CSPG4: variants seen among roughly 807,000 people sequenced by gnomAD.
The protein encoded by CSPG4 is chondroitin sulfate proteoglycan 4.
CSPG4 carries 74 observed loss-of-function variants against 139.3 expected under a neutral mutation model. That is an observed-to-expected ratio of 0.53 (90% CI 0.44 to 0.64). CSPG4 has a LOEUF of 0.64. Ranked by LOEUF, CSPG4 falls within the 30% of genes least tolerant of loss-of-function variation. The pLI, the probability that CSPG4 is intolerant of heterozygous loss-of-function variation, is 0.00. For missense variants in CSPG4, 2,565 were observed against 3,148.3 expected (o/e 0.81, Z 4.43); for synonymous variants, 1,234 against 1,394.2 (o/e 0.89, Z 2.56).
chr15:75,698,711 C>T lies in CSPG4; in HGVS notation c.89-5478G>A, dbSNP rs1383503866. ...CATTGGTCTCCCTGGGCTCCTCAGG[C>T]AAGGGAGAAGCTGTCTGGTGTGCCT... is the stretch of plus-strand genomic sequence containing the variant. On this transcript the variant is annotated intron_variant, in intron 1 of 9. Coordinates refer to ENST00000308508, the MANE Select transcript of CSPG4 (RefSeq NM_001897.5). This position sits in a 1 kb window ranked among gnomAD's most constrained non-coding sequence, Gnocchi z 4.3. Among the ~76,000 whole-genome samples the T allele has an allele frequency of 4.6e-5, 7 of 152,062 alleles. No individual in the cohort carries two copies. Among genetic ancestry groups the T allele is most frequent in the Middle Eastern group, 3.2e-3 (1 of 316 alleles).
intron 5 of CSPG4, among the ~76,000 whole-genome samples, chr15:75,683,503 C>T (rs1418686909): frequency 6.6e-6 from 1 of 152,216 alleles, no homozygotes; most frequent in Admixed American, 6.5e-5. Flanking sequence ...ATGGGCCCTC[C>T]TTCCAGCTGA....
intron 1 of CSPG4, among the ~76,000 whole-genome samples, chr15:75,699,716 C>T (rs1218653646): frequency 1.9e-4 from 29 of 152,154 alleles, no homozygotes; most frequent in Admixed American, 1.3e-3. Context: ...AGGGCTGGGC[C>T]GGGGGAGGAG....
intron 8 of CSPG4, chr15:75,678,463 C>G: frequency 2.8e-6 from 1 of 361,268 alleles, no homozygotes; most frequent in Non-Finnish European, 5.5e-6. Flanking sequence ...AGCGATCCTC[C>G]CACCTCAGCT....
intron 1 of CSPG4, among the ~76,000 whole-genome samples, chr15:75,695,985 G>A (rs986221245): frequency 1.2e-4 from 19 of 152,168 alleles, no homozygotes; most frequent in African/African-American, 2.4e-4. Context: ...GCGGGGGGAT[G>A]GAGGAGGTTG....
intron 1 of CSPG4, among the ~76,000 whole-genome samples, chr15:75,704,444 G>A (rs1452496956): frequency 6.6e-6 from 1 of 152,212 alleles, no homozygotes; most frequent in Non-Finnish European, 1.5e-5. Flanking sequence ...CAGATGGGTG[G>A]CCAGAAGCAC....
intron 9 of CSPG4, 92 bp downstream of exon 9, chr15:75,677,611 C>G (rs1418250411): frequency 7.1e-7 from 1 of 1,417,448 alleles, no homozygotes; most frequent in East Asian, 2.4e-5. Context: ...GGGGCTGAGA[C>G]AGGAGCTGCT....
At chr15:75,695,506 C>T (rs1367932460) in intron 1 of CSPG4, among the ~76,000 whole-genome samples, 5 of 152,152 alleles carry the variant, frequency 3.3e-5, no homozygotes, top group Non-Finnish European at 5.9e-5. Context: ...CCAGGCAGCC[C>T]CCCACCCCAA....
rs777538737 is a variant in CSPG4 at position 75,689,196 on chromosome 15, G to A, written c.1869C>T (p.Ala623=). 17 of 1,607,390 alleles carry A rather than the reference G, an allele frequency of 1.1e-5. No homozygotes were observed. The highest frequency in any genetic ancestry group is 2.7e-5 in the African/African-American group (2 of 74,916). Residue 623 remains alanine (A), a synonymous_variant, in exon 3 of 10, where the codon GCC becomes GCT. Transcript: ENST00000308508. The part of the protein sequence containing the change: ...ATEFSCRELE[A]GSLVYVHRGG... Reference sequence around the variant, plus strand: ...CGCGGTGGACATAGACTAGGCTGCCGGCCTCCAACTCCCGGCAGGAGAACT... The same window carrying A: ...CGCGGTGGACATAGACTAGGCTGCCAGCCTCCAACTCCCGGCAGGAGAACT...
At position 75,698,336 on chromosome 15, in the gene CSPG4, C is replaced by A. The variant is rs1165375335; in HGVS notation, c.89-5103G>T. 6.6e-6 allele frequency among the ~76,000 whole-genome samples: 1 copy of A among 150,928 alleles called. No homozygotes were observed. On this transcript the variant is annotated intron_variant, in intron 1 of 9. Coordinates refer to ENST00000308508, the MANE Select transcript of CSPG4 (RefSeq NM_001897.5). This position sits in a 1 kb window ranked among gnomAD's most constrained non-coding sequence, Gnocchi z 4.3. ...TGTATGTGGTGGGGCGGGGGGTGGT[C>A]GTGGCCCACCTGGGGGCTGAATGCC...
chr15:75,705,731 T>G (rs1313413822), intron 1 of CSPG4, among the ~76,000 whole-genome samples: 1 of 152,102 alleles, frequency 6.6e-6, no homozygotes. Context: ...AGATGGGGCC[T>G]GGGTCAGGGC....
At chr15:75,682,188 G>A in intron 8 of CSPG4, 105 bp downstream of exon 8, 2 of 1,409,150 alleles carry the variant, frequency 1.4e-6, no homozygotes, top group Non-Finnish European at 2.0e-6. Context: ...AACGTCTGCT[G>A]CCAGTGATGC....
At position 75,675,345 on chromosome 15, in the gene CSPG4, C is replaced by G; in HGVS notation, c.*205G>C. ...CTTGGCCCCTGCAGTTCTCCAGGCT[C>G]GGAGTGAGCTGAGGGAGGTTCCAGC... On this transcript the variant is annotated 3_prime_UTR_variant, in exon 10 of 10. Coordinates refer to ENST00000308508, the MANE Select transcript of CSPG4 (RefSeq NM_001897.5). 1 of 464,420 alleles carries G rather than the reference C, an allele frequency of 2.2e-6. No individual in the cohort carries two copies. Among genetic ancestry groups the G allele is most frequent in the Middle Eastern group, 5.8e-4 (1 of 1,726 alleles). 28.8% of individuals were successfully genotyped at this position (464,420 alleles called of 1,614,324 possible).
intron 1 of CSPG4, among the ~76,000 whole-genome samples, chr15:75,697,149 G>A (rs1301570955): frequency 6.6e-6 from 1 of 152,074 alleles, no homozygotes; most frequent in African/African-American, 2.4e-5. Context: ...TGTGGGCTCT[G>A]TTCCTTCTGA....
At chr15:75,686,501 AC>A (rs34979910) in intron 3 of CSPG4, among the ~76,000 whole-genome samples, 66,438 of 139,676 alleles carry the variant, frequency 0.48, 15,658 homozygotes, top group Middle Eastern at 0.55. Context: ...AGGCCAAACC[AC>A]CCCCCAAACT....
In CSPG4 at chr15:75,684,847, C is replaced by A; in HGVS notation, c.4338G>T (p.Leu1446=). Residue 1446 remains leucine (L), a synonymous_variant, in exon 5 of 10, where the codon CTG becomes CTT. Coordinates refer to ENST00000308508, the MANE Select transcript of CSPG4 (RefSeq NM_001897.5). ...GSETLTDSFV[L]MANASEMDRQ... ...GATCCATCTCGGAGGCATTAGCCAT[C>A]AGGACAAAACTGTCTGTCAGTGTCT... 1 of 1,613,594 alleles carries A rather than the reference C, an allele frequency of 6.2e-7. No individual in the cohort carries two copies. Among genetic ancestry groups the A allele is most frequent in the East Asian group, 2.2e-5 (1 of 44,872 alleles).
At position 75,689,206 on chromosome 15, in the gene CSPG4, T is replaced by C. The variant is rs376474939; in HGVS notation, c.1859A>G (p.Glu620Gly). The change falls in exon 3 of 10, where the codon GAG becomes GGG. Residue 620 changes from glutamate (E) to glycine (G), a missense_variant. Glu to Gly is a moderately conservative substitution (Grantham distance 98). This residue lies in a region of CSPG4 where 2,316 missense variants were observed against 2,818.2 expected (regional missense o/e 0.82). Transcript: ENST00000308508. Reference protein sequence around the residue: ...GEPATEFSCRELEAGSLVYVH... With the variant: ...GEPATEFSCRGLEAGSLVYVH... ...ATAGACTAGGCTGCCGGCCTCCAACTCCCGGCAGGAGAACTCGGTCGCCGG... is the reference window on the plus strand; with the variant it reads ...ATAGACTAGGCTGCCGGCCTCCAACCCCCGGCAGGAGAACTCGGTCGCCGG... The C allele has an allele frequency of 1.9e-6, 3 of 1,608,220 alleles. No homozygotes were observed. In the African/African-American group the frequency reaches 4.0e-5, roughly 21 times the overall value.
chr15:75,687,515 C>A lies in CSPG4; in HGVS notation c.3550G>T (p.Ala1184Ser). The A allele has an allele frequency of 6.2e-7, 1 of 1,612,218 alleles. No individual in the cohort carries two copies. The highest frequency in any genetic ancestry group is 1.1e-5 in the South Asian group (1 of 91,018). Residue 1184 changes from alanine (A) to serine (S), a missense_variant, in exon 3 of 10, where the codon GCC (alanine) becomes TCC (serine). Transcript: ENST00000308508. This position sits in a 1 kb window ranked among gnomAD's most constrained non-coding sequence, Gnocchi z 5.4. The stretch of plus-strand genomic sequence containing the variant: ...AGGTCCTGCTGGGAGAAGGCTGTGG[C>A]TGGCTGACCAGCCCGGACTAGCTGT... The part of the protein sequence containing the change: ...WGQLVRAGQP[A>S]TAFSQQDLLD...
chr15:75,685,573 C>T lies in CSPG4; in HGVS notation c.3918G>A (p.Gln1306=), dbSNP rs140608490. 36 of 1,608,904 alleles carry T rather than the reference C, an allele frequency of 2.2e-5. 1 individual carries two copies. The African/African-American group carries it at 3.7e-4, about 17-fold the overall frequency. The change falls in exon 4 of 10, where the codon CAG becomes CAA. Residue 1306 remains glutamine, a synonymous_variant. Coordinates refer to ENST00000308508, the MANE Select transcript of CSPG4 (RefSeq NM_001897.5). ...ADEPPSLDPV[Q]SFSQEAVDTG... is the part of the protein sequence containing the mutation. Reference sequence around the variant, plus strand: ...TGTCCACTGCCTCCTGGGAGAAGCTCTGCACAGGGTCCAGGCTGGGTGGCT... The same window carrying T: ...TGTCCACTGCCTCCTGGGAGAAGCTTTGCACAGGGTCCAGGCTGGGTGGCT...
At position 75,687,167 on chromosome 15, in the gene CSPG4, C is replaced by T. The variant is rs1396140253; in HGVS notation, c.3789+109G>A. ...ATCTGAGGCACGTGCACACATGTAA[C>T]CTGGAGCCACCACAGCCACAGCCCA... On this transcript the variant is annotated intron_variant, in intron 3 of 9. Transcript: ENST00000308508. The surrounding 1 kb of genome is among the most constrained non-coding windows in gnomAD (Gnocchi z 5.4). 7.4e-6 allele frequency: 10 copies of T among 1,344,808 alleles called. No individual in the cohort carries two copies. The Admixed American group carries it at 1.4e-4, about 18-fold the overall frequency. 83.3% of individuals were successfully genotyped at this position (1,344,808 alleles called of 1,614,324 possible).
Sources: gnomAD v4.1 joint callset for allele counts (sites outside exome capture counted in the v4.1 genomes callset) on GRCh38, gnomAD v4.1.1 for gene constraint, gnomAD v4.1.1 regional missense constraint, Gnocchi (gnomAD v3.1) non-coding constraint, MANE v1.5 for transcripts, NCBI Gene and HGNC (gene_info 2026-07-23, HGNC 2026-07-21) for gene names.